Variants in HERC3 observed in about 807,000 individuals in gnomAD.
HERC3 encodes probable E3 ubiquitin-protein ligase HERC3.
In HERC3, 58 loss-of-function variants were observed where a neutral mutation model predicts 129.9. The observed-to-expected ratio is 0.45, with a 90% confidence interval of 0.36 to 0.56. The LOEUF (loss-of-function observed/expected upper bound fraction) is 0.56, where lower values mean the gene tolerates loss of function less well. Among genes scored for constraint, HERC3 ranks in the 20% least tolerant of loss-of-function variants. The pLI is 0.00. For missense variants in HERC3, 835 were observed against 1,244.2 expected (o/e 0.67, Z 4.95); for synonymous variants, 430 against 451.0 (o/e 0.95, Z 0.59).
intron 3 of HERC3, among the ~76,000 whole-genome samples, chr4:88,613,474 G>A (rs544059029): frequency 3.3e-5 from 5 of 152,278 alleles, no homozygotes; most frequent in African/African-American, 1.2e-4. Context: ...AAAGCAGAAC[G>A]TCCAAAAGCT....
intron 1 of HERC3, among the ~76,000 whole-genome samples, chr4:88,595,317 T>A (rs1243765237): frequency 6.6e-6 from 1 of 152,222 alleles, no homozygotes; most frequent in East Asian, 1.9e-4. Flanking sequence ...TATAAGGTGA[T>A]ATCTATATCT....
chr4:88,602,284 C>G (rs1723080818), intron 2 of HERC3, among the ~76,000 whole-genome samples: 1 of 151,018 alleles, frequency 6.6e-6, no homozygotes, highest in African/African-American at 2.4e-5. Flanking sequence ...CGCCTGTAAT[C>G]CCAGCTACTT....
At chr4:88,689,933 A>G in intron 23 of HERC3, 1 of 906,026 alleles carries the variant, frequency 1.1e-6, no homozygotes, top group Non-Finnish European at 1.3e-6. Context: ...TACATCATTC[A>G]TTAACCATTT....
the HERC3 span, among the ~76,000 whole-genome samples, chr4:88,544,871 G>T: frequency 6.6e-6 from 1 of 152,120 alleles, no homozygotes; most frequent in Non-Finnish European, 1.5e-5. Flanking sequence ...TGGACACAGG[G>T]CAGGGAGCAT....
rs551374672 is a variant in HERC3, at chr4:88,668,042, G to A, written c.1594G>A (p.Ala532Thr). The stretch of plus-strand genomic sequence containing the variant: ...AACATTGACTATTCCCTTGGCTATG[G>A]CCATTCTTCGGCTGGATACAAACCC... ...YITLTIPLAMAILRLDTNPSK... is the reference protein window; with the variant it reads ...YITLTIPLAMTILRLDTNPSK... The change falls in exon 14 of 26, where the codon GCC becomes ACC. Residue 532 changes from alanine to threonine, a missense_variant. Transcript: ENST00000402738. The A allele has an allele frequency of 6.2e-7, 1 of 1,613,658 alleles. No homozygotes were observed. The highest frequency in any genetic ancestry group is 2.2e-5 in the East Asian group (1 of 44,860).
chr4:88,687,180 A>G, intron 22 of HERC3, 37 bp from the exon 23 acceptor site: 1 of 1,517,808 alleles, frequency 6.6e-7, no homozygotes, highest in Non-Finnish European at 9.1e-7. Context: ...AATGGTTAAC[A>G]AAATTGAAAT....
At chr4:88,638,769 G>C (rs1727731389) in intron 3 of HERC3, among the ~76,000 whole-genome samples, 1 of 152,062 alleles carries the variant, frequency 6.6e-6, no homozygotes, top group South Asian at 2.1e-4. Flanking sequence ...AGAAATAAAG[G>C]GTACTCAAAT....
the HERC3 span, among the ~76,000 whole-genome samples, chr4:88,564,548 C>G: frequency 2.6e-5 from 4 of 152,106 alleles, no homozygotes; most frequent in African/African-American, 9.7e-5. Flanking sequence ...AAAGCAGTCT[C>G]TAATGATCCT....
the HERC3 span, among the ~76,000 whole-genome samples, chr4:88,576,867 A>C: frequency 6.6e-6 from 1 of 151,354 alleles, no homozygotes; most frequent in Non-Finnish European, 1.5e-5. Flanking sequence ...ACGCTTACAG[A>C]CTCCTTCCCC....
the HERC3 span, chr4:88,527,664 G>C: frequency 3.4e-6 from 1 of 294,538 alleles, no homozygotes; most frequent in Non-Finnish European, 6.6e-6. Context: ...CCCTCATGCC[G>C]GGCAATGTGC....
At chr4:88,685,086 AG>A (rs1411209177) in intron 21 of HERC3, 1 of 152,262 alleles carries the variant, frequency 6.6e-6, no homozygotes, top group Non-Finnish European at 1.5e-5. Context: ...TTAAAAAGTC[AG>A]GAAACAACAG....
rs141931686 is a variant in HERC3, at chr4:88,664,660, C to T, written c.1331+448C>T. Among the ~76,000 whole-genome samples, 1,506 of 152,208 alleles carry T rather than the reference C, an allele frequency of 9.9e-3. 23 individuals carry two copies. The highest frequency in any genetic ancestry group is 0.034 in the African/African-American group (1,408 of 41,520). ...TCATCAGTAAGATTTTCAGAGTATTCTAAGATGTGTCATAATTCTAAATTC... is the reference window on the plus strand; with the variant it reads ...TCATCAGTAAGATTTTCAGAGTATTTTAAGATGTGTCATAATTCTAAATTC... On this transcript the variant is annotated intron_variant, in intron 12 of 25. Coordinates refer to ENST00000402738, the MANE Select transcript of HERC3 (RefSeq NM_014606.3).
the HERC3 span, among the ~76,000 whole-genome samples, chr4:88,578,485 G>A: frequency 6.6e-6 from 1 of 151,978 alleles, no homozygotes; most frequent in East Asian, 1.9e-4. Flanking sequence ...GGGAGGCTGA[G>A]GCAGGAGAAT....
At chr4:88,553,363 G>A in the HERC3 span, among the ~76,000 whole-genome samples, 70 of 152,244 alleles carry the variant, frequency 4.6e-4, no homozygotes, top group African/African-American at 1.6e-3. Context: ...TCATCCACAT[G>A]AGCTAACTTG....
At position 88,704,217 on chromosome 4, in the gene HERC3, A is replaced by G. The variant is rs777985411; in HGVS notation, c.2777A>G (p.Gln926Arg). The G allele has an allele frequency of 6.2e-7, 1 of 1,614,004 alleles. No homozygotes were observed. Among genetic ancestry groups the G allele is most frequent in the African/African-American group, 1.3e-5 (1 of 74,906 alleles). The change falls in exon 24 of 26, where the codon CAG becomes CGG. Residue 926 changes from glutamine (Q) to arginine (R), a missense_variant. Gln to Arg is a conservative substitution (Grantham distance 43). Coordinates refer to ENST00000402738, the MANE Select transcript of HERC3 (RefSeq NM_014606.3). ...VCGGKVLELF[Q>R]PSELRAMMVG... ...GGTGGCAAAGTACTTGAGCTCTTCC[A>G]GCCTTCAGAACTGAGGGCTATGATG...
chr4:88,626,916 A>T (rs946752864), intron 3 of HERC3, among the ~76,000 whole-genome samples: 2 of 151,518 alleles, frequency 1.3e-5, no homozygotes, highest in Non-Finnish European at 2.9e-5. Flanking sequence ...TTTGCTGTTA[A>T]TTATTTTCTT....
Position 88,707,112 on chromosome 4 carries a change from G to A in HERC3, c.*152G>A, listed in dbSNP as rs1212220157. 1.4e-5 allele frequency: 9 copies of A among 664,762 alleles called. No individual in the cohort carries two copies. The South Asian group carries it at 1.8e-4, about 13-fold the overall frequency. 41.2% of individuals were successfully genotyped at this position (664,762 alleles called of 1,614,324 possible). On this transcript the variant is annotated 3_prime_UTR_variant, in exon 26 of 26. Coordinates refer to ENST00000402738, the MANE Select transcript of HERC3 (RefSeq NM_014606.3). ...GCCTGGTTGATGTGTTTCTGGGATT[G>A]TATAGCAGTAAACAACCTTTTTGAA...
chr4:88,701,183 C>T (rs1427766798), intron 23 of HERC3, among the ~76,000 whole-genome samples: 2 of 152,124 alleles, frequency 1.3e-5, no homozygotes, highest in African/African-American at 4.8e-5. Flanking sequence ...GTGTTATATA[C>T]GGTGTGAGAA....
the HERC3 span, among the ~76,000 whole-genome samples, chr4:88,564,839 C>CT: frequency 6.6e-6 from 1 of 151,942 alleles, no homozygotes; most frequent in African/African-American, 2.4e-5. Context: ...AGTTTTTCCA[C>CT]TTTTTTATGT....
Sources: gnomAD v4.1 joint callset for allele counts (sites outside exome capture counted in the v4.1 genomes callset) on GRCh38, gnomAD v4.1.1 for gene constraint, MANE v1.5 for transcripts, NCBI Gene and HGNC (gene_info 2026-07-23, HGNC 2026-07-21) for gene names.